Variants in CLASP1 observed in about 807,000 individuals in gnomAD.
The protein encoded by CLASP1 is CLIP-associating protein 1.
Under a neutral mutation model 192.3 loss-of-function variants are expected in CLASP1, and 38 were observed. The ratio of observed to expected loss-of-function variants is 0.20; its 90% CI spans 0.15 to 0.26. The LOEUF is 0.26. CLASP1 is among the 10% of genes least tolerant of loss of function. The pLI, the probability that CLASP1 is intolerant of heterozygous loss-of-function variation, is 1.00. For synonymous variants in CLASP1, 691 were observed against 712.8 expected (o/e 0.97, Z 0.49); for missense variants, 1,433 against 1,932.5 (o/e 0.74, Z 4.85).
intron 39 of CLASP1, among the ~76,000 whole-genome samples, chr2:121,345,521 T>C (rs1046798104): frequency 3.3e-5 from 5 of 152,202 alleles, no homozygotes; most frequent in African/African-American, 9.7e-5. Flanking sequence ...AATTGTATCA[T>C]TGAAGGTCCT....
chr2:121,398,289 A>C, intron 29 of CLASP1, 33 bp downstream of exon 30: 1 of 1,481,880 alleles, frequency 6.7e-7, no homozygotes, highest in Non-Finnish European at 9.3e-7. Flanking sequence ...TGTGAGTTCC[A>C]GGGTTGAATT....
At chr2:121,393,628 A>C (rs535553300) in intron 30 of CLASP1, among the ~76,000 whole-genome samples, 1 of 152,284 alleles carries the variant, frequency 6.6e-6, no homozygotes, top group Non-Finnish European at 1.5e-5. Flanking sequence ...CAGCTGCATC[A>C]CTTACAAAAG....
intron 2 of CLASP1, among the ~76,000 whole-genome samples, chr2:121,539,673 T>C (rs1386255099): frequency 3.3e-5 from 5 of 151,716 alleles, no homozygotes; most frequent in Admixed American, 3.3e-4. Context: ...TCAAAACCAC[T>C]TAAGAAAGTG....
chr2:121,619,891 A>C (rs2067046516), intron 1 of CLASP1, among the ~76,000 whole-genome samples: 1 of 152,126 alleles, frequency 6.6e-6, no homozygotes, highest in African/African-American at 2.4e-5. Context: ...TGGGCATTCC[A>C]GGGTTTGTTA....
At chr2:121,346,989 G>T in intron 39 of CLASP1, 49 bp downstream of exon 40, 1 of 1,179,824 alleles carries the variant, frequency 8.5e-7, no homozygotes, top group Non-Finnish European at 1.2e-6. Context: ...TTTATGACAA[G>T]CTGGCAGAGC....
At chr2:121,615,962 T>C (rs986407822) in intron 1 of CLASP1, among the ~76,000 whole-genome samples, 2 of 152,162 alleles carry the variant, frequency 1.3e-5, no homozygotes, top group South Asian at 2.1e-4. Flanking sequence ...GTTCAAAGCA[T>C]GGGCATTTAC....
chr2:121,442,818 C>A (rs1480010737), intron 19 of CLASP1, among the ~76,000 whole-genome samples: 3 of 152,114 alleles, frequency 2.0e-5, no homozygotes, highest in Admixed American at 1.3e-4. Context: ...GTTTTAAAAT[C>A]ATCTTGTCTC....
At chr2:121,443,665 C>T (rs1559215150) in intron 19 of CLASP1, among the ~76,000 whole-genome samples, 1 of 152,174 alleles carries the variant, frequency 6.6e-6, no homozygotes, top group Non-Finnish European at 1.5e-5. Context: ...ACTTGTCCGA[C>T]CCTAAGAACC....
At chr2:121,379,967 G>A (rs557980101) in intron 33 of CLASP1, among the ~76,000 whole-genome samples, 53 of 152,258 alleles carry the variant, frequency 3.5e-4, no homozygotes, top group Middle Eastern at 6.8e-3. Flanking sequence ...GCAGAACCAA[G>A]AACAATTGAA....
intron 1 of CLASP1, among the ~76,000 whole-genome samples, chr2:121,623,962 T>G (rs1393958395): frequency 6.6e-6 from 1 of 152,226 alleles, no homozygotes; most frequent in Non-Finnish European, 1.5e-5. Flanking sequence ...TGGTTCCTAG[T>G]ATTTCCTTAT....
chr2:121,349,907 T>A (rs2064042089), intron 37 of CLASP1, among the ~76,000 whole-genome samples: 1 of 152,182 alleles, frequency 6.6e-6, no homozygotes, highest in East Asian at 1.9e-4. Context: ...GTCCCAGTCA[T>A]GCTAGTCCCA....
At chr2:121,397,406 G>C (rs764819228) in intron 29 of CLASP1, 123 bp from the exon 31 acceptor site, 1 of 796,194 alleles carries the variant, frequency 1.3e-6, no homozygotes, top group Non-Finnish European at 2.0e-6. Flanking sequence ...CTCCTGTATC[G>C]ATAGTTTCCA....
intron 1 of CLASP1, among the ~76,000 whole-genome samples, chr2:121,610,494 GGAGGAGGAAGAGGAACTA>G (rs2065145878): frequency 7.0e-6 from 1 of 143,038 alleles, no homozygotes; most frequent in African/African-American, 2.6e-5. Flanking sequence ...AAGAGGAGCT[GGAGGAGGAAGAGGAACTA>G]GAGGAGGAGG....
chr2:121,555,386 G>C (rs1265907481), intron 2 of CLASP1, among the ~76,000 whole-genome samples: 1 of 152,120 alleles, frequency 6.6e-6, no homozygotes, highest in Non-Finnish European at 1.5e-5. Context: ...GCTCATTTGT[G>C]ACCTCTGATT....
chr2:121,382,127 G>A, intron 33 of CLASP1, 81 bp downstream of exon 34: 1 of 1,102,496 alleles, frequency 9.1e-7, no homozygotes, highest in Non-Finnish European at 1.4e-6. Context: ...CAGCTTAGAG[G>A]CTTTCCCAAA....
intron 1 of CLASP1, among the ~76,000 whole-genome samples, chr2:121,632,809 T>C (rs1403543476): frequency 1.3e-5 from 2 of 151,268 alleles, no homozygotes; most frequent in Non-Finnish European, 2.9e-5. Context: ...GACAGGAGAA[T>C]CACTTGAACC....
At chr2:121,616,617 T>C (rs1341438587) in intron 1 of CLASP1, among the ~76,000 whole-genome samples, 3 of 152,216 alleles carry the variant, frequency 2.0e-5, no homozygotes, top group Admixed American at 2.0e-4. Flanking sequence ...TAAGTCAGCA[T>C]ATTTCTATCA....
intron 8 of CLASP1, among the ~76,000 whole-genome samples, chr2:121,494,666 G>T (rs765241004): frequency 5.7e-4 from 87 of 152,160 alleles, no homozygotes; most frequent in Non-Finnish European, 1.1e-3. Context: ...ACCTTGATGT[G>T]ACTGTTATGC....
At chr2:121,493,936 G>C (rs1246513537) in intron 8 of CLASP1, among the ~76,000 whole-genome samples, 3 of 152,112 alleles carry the variant, frequency 2.0e-5, no homozygotes, top group Non-Finnish European at 1.5e-5. Context: ...TAATCCAAAA[G>C]ACAGGCAGTA....
Sources: gnomAD v4.1 joint callset for allele counts (sites outside exome capture counted in the v4.1 genomes callset) on GRCh38, gnomAD v4.1.1 for gene constraint, MANE v1.5 for transcripts, NCBI Gene and HGNC (gene_info 2026-07-23, HGNC 2026-07-21) for gene names.